ARHGAP15: variants seen among roughly 807,000 people sequenced by gnomAD.
ARHGAP15 encodes rho GTPase-activating protein 15.
Under a neutral mutation model 63.7 loss-of-function variants are expected in ARHGAP15, and 51 were observed. That is an observed-to-expected ratio of 0.80 (90% CI 0.64 to 1.01). ARHGAP15 has a LOEUF of 1.01. Ranked by LOEUF, ARHGAP15 falls within the 50% of genes least tolerant of loss-of-function variation. The pLI is 0.00. For synonymous variants in ARHGAP15, 191 were observed against 193.8 expected, an observed-to-expected ratio of 0.99 and a Z score of 0.12; for missense variants, 560 against 564.6, an observed-to-expected ratio of 0.99 and a Z score of 0.08.
At chr2:143,650,422 TTAAC>T (rs1681102540) in intron 12 of ARHGAP15, among the ~76,000 whole-genome samples, 1 of 151,898 alleles carries the variant, frequency 6.6e-6, no homozygotes, top group Admixed American at 6.6e-5. Flanking sequence ...GATTATTGAA[TTAAC>T]TAACCTGTAA....
chr2:143,314,746 T>A (rs1683617122), intron 6 of ARHGAP15, among the ~76,000 whole-genome samples: 1 of 144,098 alleles, frequency 6.9e-6, no homozygotes, highest in Non-Finnish European at 1.5e-5. Flanking sequence ...TAAGGTTTAA[T>A]ACTGAAAGGA....
chr2:143,313,550 G>C (rs1223702042), intron 6 of ARHGAP15, among the ~76,000 whole-genome samples: 3 of 152,106 alleles, frequency 2.0e-5, no homozygotes, highest in Non-Finnish European at 4.4e-5. Flanking sequence ...CATGCTACGG[G>C]AAAGTGTGGA....
At chr2:143,710,061 C>G (rs1684508509) in intron 13 of ARHGAP15, among the ~76,000 whole-genome samples, 1 of 152,198 alleles carries the variant, frequency 6.6e-6, no homozygotes, top group Non-Finnish European at 1.5e-5. Context: ...GTCTTTCACC[C>G]AACCACAATA....
At chr2:143,526,436 G>A (rs182540615) in intron 10 of ARHGAP15, among the ~76,000 whole-genome samples, 1 of 152,196 alleles carries the variant, frequency 6.6e-6, no homozygotes, top group African/African-American at 2.4e-5. Context: ...CTTTTCCCTT[G>A]GAGTCAGTTG....
At chr2:143,155,892 T>C (rs1393600347) in intron 2 of ARHGAP15, among the ~76,000 whole-genome samples, 1 of 151,888 alleles carries the variant, frequency 6.6e-6, no homozygotes, top group Non-Finnish European at 1.5e-5. Flanking sequence ...AAGAGCACCT[T>C]TGACTCATTT....
In ARHGAP15 at chr2:143,427,452, C is replaced by T. The variant is rs572506515; in HGVS notation, c.475-8149C>T. 4.6e-5 allele frequency among the ~76,000 whole-genome samples: 7 copies of T among 152,064 alleles called. No homozygotes were observed. The South Asian group carries it at 1.2e-3, about 27-fold the overall frequency. On this transcript the variant is annotated intron_variant, in intron 6 of 13. Transcript: ENST00000295095. ...CACTGAGTTTCTCTAAAGACTTGACCCATTAACCTAAGTATTAGCTCTTTA... is the reference window on the plus strand; with the variant it reads ...CACTGAGTTTCTCTAAAGACTTGACTCATTAACCTAAGTATTAGCTCTTTA...
chr2:143,186,951 G>A (rs1325233721), intron 2 of ARHGAP15, among the ~76,000 whole-genome samples: 1 of 152,158 alleles, frequency 6.6e-6, no homozygotes, highest in East Asian at 1.9e-4. Flanking sequence ...ATGGTGTTAA[G>A]TAGGTGACCA....
intron 11 of ARHGAP15, among the ~76,000 whole-genome samples, chr2:143,615,307 T>C (rs1367695599): frequency 3.3e-5 from 5 of 152,302 alleles, no homozygotes; most frequent in African/African-American, 1.2e-4. Context: ...TATTTCAATT[T>C]TTCTGAAGAA....
chr2:143,515,162 G>T (rs536706876), intron 9 of ARHGAP15, among the ~76,000 whole-genome samples: 1 of 151,514 alleles, frequency 6.6e-6, no homozygotes, highest in Non-Finnish European at 1.5e-5. Flanking sequence ...TAATCTCCTT[G>T]TGCTTCATCT....
intron 10 of ARHGAP15, among the ~76,000 whole-genome samples, chr2:143,542,572 G>C (rs1220868506): frequency 6.7e-6 from 1 of 148,870 alleles, no homozygotes; most frequent in African/African-American, 2.5e-5. Flanking sequence ...TTGTGTGTGT[G>C]TGTGCACATA....
intron 12 of ARHGAP15, among the ~76,000 whole-genome samples, chr2:143,684,351 G>T (rs773581278): frequency 5.9e-5 from 9 of 152,160 alleles, no homozygotes; most frequent in Non-Finnish European, 1.2e-4. Context: ...TAGACAGGGG[G>T]TTAAGGGTGT....
rs1693297550 is a variant in ARHGAP15, at chr2:143,506,055, CT to C, written c.827-13207del. On this transcript the variant is annotated intron_variant, in intron 9 of 13. Coordinates refer to ENST00000295095, the MANE Select transcript of ARHGAP15 (RefSeq NM_018460.4). ...AGTTTTACTCCAACTAAATTTGAGT[CT>C]TTTCTTATTGAACTATGCATTCATG... Among the ~76,000 whole-genome samples, 7 of 152,298 alleles carry C rather than the reference CT, an allele frequency of 4.6e-5. No homozygotes were observed. The South Asian group carries it at 1.5e-3, about 32-fold the overall frequency.
chr2:143,653,642 A>C (rs1681283800), intron 12 of ARHGAP15, among the ~76,000 whole-genome samples: 1 of 152,140 alleles, frequency 6.6e-6, no homozygotes, highest in African/African-American at 2.4e-5. Context: ...AACTGATTAA[A>C]ACTTAAGAAA....
chr2:143,299,908 G>A (rs1682819260), intron 6 of ARHGAP15, among the ~76,000 whole-genome samples: 2 of 151,898 alleles, frequency 1.3e-5, no homozygotes, highest in Admixed American at 6.6e-5. Flanking sequence ...TATTAAAGAG[G>A]AAGGGTTGTC....
rs536850934 is a variant in ARHGAP15, at chr2:143,673,287, C to T, written c.1139-30132C>T. Among the ~76,000 whole-genome samples, 106 of 152,204 alleles carry T rather than the reference C, an allele frequency of 7.0e-4. 4 individuals are homozygous for T. The South Asian group carries it at 0.022, about 31-fold the overall frequency. ...GAAGTACGCAGAGACACAGAAAGCACGTTTATGGGCATAACACAATCTTTT... is the reference window on the plus strand; with the variant it reads ...GAAGTACGCAGAGACACAGAAAGCATGTTTATGGGCATAACACAATCTTTT... On this transcript the variant is annotated intron_variant, in intron 12 of 13. Transcript: ENST00000295095.
chr2:143,591,809 G>A lies in ARHGAP15; in HGVS notation c.1004-32324G>A, dbSNP rs181166270. On this transcript the variant is annotated intron_variant, in intron 11 of 13. Coordinates refer to ENST00000295095, the MANE Select transcript of ARHGAP15 (RefSeq NM_018460.4). ...TAATTTTTGTATTTTTAGTAGAGACGGGGTTTCACCATGTTGGCCAGGCTG... is the reference window on the plus strand; with the variant it reads ...TAATTTTTGTATTTTTAGTAGAGACAGGGTTTCACCATGTTGGCCAGGCTG... Among the ~76,000 whole-genome samples the A allele has an allele frequency of 2.9e-3, 445 of 151,782 alleles. 2 individuals carry two copies. The highest frequency in any genetic ancestry group is 9.6e-3 in the African/African-American group (399 of 41,424).
At chr2:143,626,591 T>C (rs1013517914) in intron 12 of ARHGAP15, among the ~76,000 whole-genome samples, 2 of 152,250 alleles carry the variant, frequency 1.3e-5, no homozygotes, top group Middle Eastern at 3.4e-3. Flanking sequence ...GGTGGCCAGC[T>C]TTTATTCCCT....
In ARHGAP15 at chr2:143,429,280, CAG is replaced by C. The variant is rs756603681; in HGVS notation, c.475-6319_475-6318del. 2.0e-3 allele frequency among the ~76,000 whole-genome samples: 276 copies of C among 140,738 alleles called. 1 individual carries two copies. Among genetic ancestry groups the C allele is most frequent in the Non-Finnish European group, 3.4e-3 (226 of 66,184 alleles). 92.3% of individuals were successfully genotyped at this position (140,738 alleles called of 152,430 possible). On this transcript the variant is annotated intron_variant, in intron 6 of 13. Coordinates refer to ENST00000295095, the MANE Select transcript of ARHGAP15 (RefSeq NM_018460.4). ...TTGGGTTTAGATATTTGTTAATAAA[CAG>C]AAAGTTAGAGTGGGCAAGTAATATG... is the stretch of plus-strand genomic sequence containing the variant.
intron 6 of ARHGAP15, among the ~76,000 whole-genome samples, chr2:143,423,639 G>A (rs1007608497): frequency 2.0e-5 from 3 of 152,120 alleles, no homozygotes; most frequent in Non-Finnish European, 4.4e-5. Context: ...TCCGGAATAG[G>A]CAGTGTCTGA....
Sources: allele counts gnomAD v4.1 joint callset (sites outside exome capture counted in the v4.1 genomes callset), GRCh38; gene constraint gnomAD v4.1.1; transcripts MANE v1.5; gene names NCBI Gene and HGNC (gene_info 2026-07-23, HGNC 2026-07-21).